AK7: variants seen among roughly 807,000 people sequenced by gnomAD.
The protein encoded by AK7 is adenylate kinase 7.
Under a neutral mutation model 96.6 loss-of-function variants are expected in AK7, and 78 were observed. The ratio of observed to expected loss-of-function variants is 0.81; its 90% confidence interval spans 0.67 to 0.97. AK7 has a LOEUF of 0.97. Among genes scored for constraint, AK7 ranks in the 50% least tolerant of loss-of-function variants. The pLI, the probability that AK7 is intolerant of heterozygous loss-of-function variation, is 0.00. For synonymous variants in AK7, 302 were observed against 317.2 expected, an observed-to-expected ratio of 0.95 and a Z score of 0.51; for missense variants, 855 against 887.9, an observed-to-expected ratio of 0.96 and a Z score of 0.47.
intron 12 of AK7, 26 bp from the exon 13 acceptor site, chr14:96,471,451 AT>A: frequency 8.1e-7 from 1 of 1,233,082 alleles, no homozygotes; most frequent in Non-Finnish European, 1.1e-6. Context: ...ATTATAAGTA[AT>A]ATATACATAT....
intron 5 of AK7, chr14:96,423,573 G>A (rs1891837441): frequency 4.1e-6 from 2 of 490,342 alleles, no homozygotes; most frequent in Non-Finnish European, 7.8e-6. Context: ...CACCATCTCA[G>A]TGCTCAGGTC....
chr14:96,447,220 C>T (rs557449572), intron 8 of AK7, among the ~76,000 whole-genome samples: 2 of 152,320 alleles, frequency 1.3e-5, no homozygotes, highest in Admixed American at 1.3e-4. Flanking sequence ...TACGAAAATC[C>T]GCCAATAGGC....
chr14:96,403,066 A>T (rs1369091755), intron 2 of AK7, among the ~76,000 whole-genome samples: 1 of 151,762 alleles, frequency 6.6e-6, no homozygotes, highest in African/African-American at 2.4e-5. Flanking sequence ...CAGTGAGCTG[A>T]GATTGTGCCA....
intron 10 of AK7, among the ~76,000 whole-genome samples, chr14:96,452,844 A>T (rs1021763537): frequency 2.0e-5 from 3 of 152,112 alleles, no homozygotes; most frequent in Non-Finnish European, 4.4e-5. Flanking sequence ...CGCAGACTTA[A>T]CTAGAATGTC....
At chr14:96,428,648 T>C (rs7156417) in intron 5 of AK7, among the ~76,000 whole-genome samples, 10,632 of 152,232 alleles carry the variant, frequency 0.07, 1,292 homozygotes, top group African/African-American at 0.24. Flanking sequence ...TTTTAATGAT[T>C]GCCATTCTAA....
At chr14:96,479,238 G>T (rs537866865) in intron 15 of AK7, among the ~76,000 whole-genome samples, 12 of 151,894 alleles carry the variant, frequency 7.9e-5, no homozygotes, top group Admixed American at 7.2e-4. Context: ...CACAGTGCCC[G>T]GCTAATTTTT....
At chr14:96,480,999 T>C (rs1436877719) in intron 15 of AK7, among the ~76,000 whole-genome samples, 1 of 152,198 alleles carries the variant, frequency 6.6e-6, no homozygotes, top group Non-Finnish European at 1.5e-5. Context: ...CAGTGTCTCT[T>C]TGTCCTCTCT....
At chr14:96,444,313 A>G (rs1215239723) in intron 7 of AK7, among the ~76,000 whole-genome samples, 1 of 152,208 alleles carries the variant, frequency 6.6e-6, no homozygotes, top group Non-Finnish European at 1.5e-5. Flanking sequence ...AAGATACAGA[A>G]GAGTCTTTTA....
intron 2 of AK7, among the ~76,000 whole-genome samples, chr14:96,400,131 T>C (rs1890325118): frequency 6.9e-6 from 1 of 144,308 alleles, no homozygotes; most frequent in African/African-American, 2.6e-5. Context: ...CTTCGCCTCC[T>C]GGGTTCAAGC....
chr14:96,432,670 T>C (rs1892419066), intron 5 of AK7, among the ~76,000 whole-genome samples: 2 of 152,206 alleles, frequency 1.3e-5, no homozygotes, highest in African/African-American at 4.8e-5. Flanking sequence ...TATGAAATTC[T>C]GGGTTGAAAA....
chr14:96,429,752 G>A (rs967588583), intron 5 of AK7, among the ~76,000 whole-genome samples: 2 of 152,100 alleles, frequency 1.3e-5, no homozygotes, highest in African/African-American at 4.8e-5. Flanking sequence ...CTCATGATTT[G>A]GCTCTCTGTT....
intron 13 of AK7, 141 bp from the exon 14 acceptor site, chr14:96,472,546 G>A: frequency 1.6e-6 from 1 of 612,208 alleles, no homozygotes; most frequent in Admixed American, 2.8e-5. Flanking sequence ...CATTTAGTTT[G>A]TGAGACTATT....
chr14:96,442,873 G>T (rs947525584), intron 7 of AK7, 55 bp downstream of exon 7: 1 of 1,502,850 alleles, frequency 6.7e-7, no homozygotes, highest in Non-Finnish European at 9.3e-7. Flanking sequence ...GTGTTTGTTT[G>T]TAGCCTAATA....
chr14:96,433,315 CAT>C (rs1410578448), intron 5 of AK7, among the ~76,000 whole-genome samples: 1 of 152,180 alleles, frequency 6.6e-6, no homozygotes, highest in Non-Finnish European at 1.5e-5. Context: ...GCCAATCAAA[CAT>C]AGATTTGGTC....
chr14:96,449,735 A>T (rs1030516176), intron 8 of AK7, 67 bp from the exon 9 acceptor site: 4 of 1,253,550 alleles, frequency 3.2e-6, no homozygotes, highest in Non-Finnish European at 3.5e-6. Context: ...CGCCTGGCCC[A>T]TTTGAGTTTT....
chr14:96,468,930 A>G (rs2140150073), intron 12 of AK7, among the ~76,000 whole-genome samples: 1 of 152,172 alleles, frequency 6.6e-6, no homozygotes, highest in Non-Finnish European at 1.5e-5. Flanking sequence ...TGCCTGCCAT[A>G]CAGCTGAACC....
chr14:96,397,401 G>A (rs7153260), intron 1 of AK7, among the ~76,000 whole-genome samples: 100,975 of 151,694 alleles, frequency 0.67, 33,901 homozygotes, highest in East Asian at 0.82. Flanking sequence ...GGTGTGCACC[G>A]CCATGCCCAG....
intron 12 of AK7, 37 bp from the exon 13 acceptor site, chr14:96,471,441 A>C: frequency 8.8e-7 from 1 of 1,135,686 alleles, no homozygotes; most frequent in South Asian, 2.1e-5. Flanking sequence ...AATGTGATAC[A>C]TTATAAGTAA....
intron 15 of AK7, 83 bp downstream of exon 15, chr14:96,478,745 G>A: frequency 7.2e-7 from 1 of 1,388,124 alleles, no homozygotes; most frequent in South Asian, 1.3e-5. Context: ...TTGTGGGGCT[G>A]GGGGGAGGGT....
Sources: gnomAD v4.1 joint callset for allele counts (sites outside exome capture counted in the v4.1 genomes callset) on GRCh38, gnomAD v4.1.1 for gene constraint, MANE v1.5 for transcripts, NCBI Gene and HGNC (gene_info 2026-07-23, HGNC 2026-07-21) for gene names.